The following SATB2 variants were observed in gnomAD, a reference collection of about 807,000 sequenced individuals.
SATB2 encodes SATB homeobox 2.
In SATB2, 1 loss-of-function variant was observed where a neutral mutation model predicts 73.4. The ratio of observed to expected loss-of-function variants is 0.01; its 90% CI spans 0.00 to 0.06. The LOEUF is 0.06. Ranked by LOEUF, SATB2 falls within the 10% of genes least tolerant of loss-of-function variation. The probability of loss-of-function intolerance (pLI) is 1.00; values close to 1 mark genes in which losing one functional copy is unlikely to be tolerated. For synonymous variants in SATB2, 397 were observed against 367.0 expected, an observed-to-expected ratio of 1.08 and a Z score of -0.93; for missense variants, 459 against 945.8, an observed-to-expected ratio of 0.49 and a Z score of 6.75.
chr2:199,325,218 G>A (rs1443135045), intron 8 of SATB2: 1 of 151,974 alleles, frequency 6.6e-6, no homozygotes, highest in South Asian at 2.1e-4. Flanking sequence ...TGCTTTTTAT[G>A]GGCCAGGTAC....
intron 1 of SATB2, 24 bp from the exon 2 acceptor site, chr2:199,456,120 A>C (rs1383742678): frequency 4.0e-4 from 77 of 191,660 alleles, no homozygotes; most frequent in East Asian, 1.2e-3. Flanking sequence ...GGGGGGAGGA[A>C]GGGGGAGGGA....
In SATB2 at chr2:199,308,965, G is replaced by C. The variant is rs1331179150; in HGVS notation, c.1543-8C>G. ...CAGTTCACACAGCCAGCCCTGTAGAGAGAGGAGGTCGCTTGCATTAACCTG... is the reference window on the plus strand; with the variant it reads ...CAGTTCACACAGCCAGCCCTGTAGACAGAGGAGGTCGCTTGCATTAACCTG... On this transcript the variant is annotated splice_region_variant and splice_polypyrimidine_tract_variant and intron_variant, in intron 9 of 10. Transcript: ENST00000417098. The surrounding 1 kb of genome is among the most constrained non-coding windows in gnomAD (Gnocchi z 4.6). 3 of 1,613,372 alleles carry C rather than the reference G, an allele frequency of 1.9e-6. No homozygotes were observed. Among genetic ancestry groups the C allele is most frequent in the Non-Finnish European group, 2.5e-6 (3 of 1,179,490 alleles).
chr2:199,443,408 G>C (rs1691875972), intron 2 of SATB2, among the ~76,000 whole-genome samples: 2 of 151,952 alleles, frequency 1.3e-5, no homozygotes, highest in South Asian at 4.1e-4. Context: ...GCACAAGCAT[G>C]TTTTCTTTGG....
At chr2:199,314,431 C>T (rs750175332) in intron 9 of SATB2, among the ~76,000 whole-genome samples, 19 of 151,356 alleles carry the variant, frequency 1.3e-4, no homozygotes, top group African/African-American at 3.2e-4. Flanking sequence ...TGCATGAATA[C>T]GATAGGGAAA....
chr2:199,450,026 A>G (rs1299894747), intron 2 of SATB2, among the ~76,000 whole-genome samples: 1 of 152,138 alleles, frequency 6.6e-6, no homozygotes, highest in Non-Finnish European at 1.5e-5. Flanking sequence ...CCAAAAAATA[A>G]TGAGTTAAAA....
chr2:199,382,781 A>C (rs1689818177), intron 3 of SATB2, among the ~76,000 whole-genome samples: 1 of 152,248 alleles, frequency 6.6e-6, no homozygotes, highest in South Asian at 2.1e-4. Flanking sequence ...CCATGTCTCC[A>C]GGATGTCAGA....
At chr2:199,410,475 C>T (rs11679306) in intron 3 of SATB2, among the ~76,000 whole-genome samples, 95,529 of 152,056 alleles carry the variant, frequency 0.63, 32,622 homozygotes, top group Non-Finnish European at 0.76. Flanking sequence ...AACAGGAGTA[C>T]ATTTGTGCCT....
In SATB2 at chr2:199,270,549, A is replaced by C. The variant is rs1574457089; in HGVS notation, c.*1662T>G. The C allele has an allele frequency of 1.3e-5, 2 of 152,256 alleles. No individual in the cohort carries two copies. Among genetic ancestry groups the C allele is most frequent in the South Asian group, 4.1e-4 (2 of 4,828 alleles). The allele number at this position is 152,256 out of a possible 1,614,324, so 9.4% of individuals were successfully genotyped here. A position where few individuals can be genotyped will look rare whatever the true frequency, so the allele number is the denominator to read the frequency against. On this transcript the variant is annotated 3_prime_UTR_variant, in exon 11 of 11. Transcript: ENST00000417098. ...AAATCCAACCATGTGGGACTGTTTA[A>C]TGGCCAGTTTAAAGCATGGATTACG...
At chr2:199,368,945 G>T in intron 5 of SATB2, 1 of 408,094 alleles carries the variant, frequency 2.5e-6, no homozygotes. Flanking sequence ...AACAATGGAG[G>T]GGACAGAACA....
In SATB2 at chr2:199,401,427, C is replaced by T. The variant is rs554063047; in HGVS notation, c.347-19607G>A. On this transcript the variant is annotated intron_variant, in intron 3 of 10. Transcript: ENST00000417098. ...GATTAGCCAGGCGTGGTGGTGCGTGCCTGTACTCCCAGCTACTAGGGAGCC... is the reference window on the plus strand; with the variant it reads ...GATTAGCCAGGCGTGGTGGTGCGTGTCTGTACTCCCAGCTACTAGGGAGCC... Among the ~76,000 whole-genome samples the T allele has an allele frequency of 1.4e-4, 21 of 151,528 alleles. No homozygotes were observed. The East Asian group carries it at 3.1e-3, about 22-fold the overall frequency.
At chr2:199,416,916 G>A (rs1327892896) in intron 3 of SATB2, among the ~76,000 whole-genome samples, 3 of 151,870 alleles carry the variant, frequency 2.0e-5, no homozygotes, top group African/African-American at 7.3e-5. Context: ...GGTGCCTGTG[G>A]TCCCAGCTAC....
In SATB2 at chr2:199,323,906, T is replaced by C. The variant is rs201864116; in HGVS notation, c.1439A>G (p.Asn480Ser). The change falls in exon 9 of 11, where the codon AAC (asparagine) becomes AGC (serine). Residue 480 changes from asparagine (N) to serine (S), a missense_variant. Physicochemically the swap from Asn to Ser is conservative, Grantham distance 46 (BLOSUM62 1). Transcript: ENST00000417098. The stretch of plus-strand genomic sequence containing the variant: ...ATAAATGGCAGCTGTGATGTTGATG[T>C]TGGCGCCGTCCACCTTAATAGGGAG... Reference protein sequence around the residue: ...TDLPIKVDGANINITAAIYDE... With the variant: ...TDLPIKVDGASINITAAIYDE... 85 of 1,613,392 alleles carry C rather than the reference T, an allele frequency of 5.3e-5. No homozygotes were observed. Among genetic ancestry groups the C allele is most frequent in the Non-Finnish European group, 7.0e-5 (82 of 1,179,610 alleles).
intron 6 of SATB2, among the ~76,000 whole-genome samples, chr2:199,363,951 A>G (rs879673800): frequency 2.0e-5 from 3 of 152,190 alleles, no homozygotes; most frequent in Non-Finnish European, 4.4e-5. Flanking sequence ...TCATGACAGA[A>G]AAATTAGGTA....
intron 3 of SATB2, among the ~76,000 whole-genome samples, chr2:199,420,151 G>C (rs549491873): frequency 6.6e-6 from 1 of 152,100 alleles, no homozygotes; most frequent in African/African-American, 2.4e-5. Context: ...GTGTACCCTG[G>C]GGTATGTCAC....
At chr2:199,327,300 G>T (rs1296637018) in intron 8 of SATB2, among the ~76,000 whole-genome samples, 1 of 152,064 alleles carries the variant, frequency 6.6e-6, no homozygotes, top group Non-Finnish European at 1.5e-5. Flanking sequence ...AATTACCCTG[G>T]TGTGGTGGCA....
chr2:199,414,238 C>G (rs561577519), intron 3 of SATB2, among the ~76,000 whole-genome samples: 3 of 152,336 alleles, frequency 2.0e-5, no homozygotes, highest in African/African-American at 7.2e-5. Context: ...CCCTCTCACA[C>G]ATCACCTCCC....
In SATB2 at chr2:199,386,716, GCACACACACACA is replaced by G. The variant is rs61568459; in HGVS notation, c.347-4908_347-4897del. ...CGCAAGCGCGCGCGCGCGCGCGCGC[GCACACACACACA>G]CACACACACACACACACACACACAC... On this transcript the variant is annotated intron_variant, in intron 3 of 10. Transcript: ENST00000417098. 6.4e-3 allele frequency among the ~76,000 whole-genome samples: 59 copies of G among 9,210 alleles called. 1 individual carries two copies. Among genetic ancestry groups the G allele is most frequent in the Non-Finnish European group, 8.2e-3 (11 of 1,338 alleles). The allele number at this position is 9,210 out of a possible 152,430, so 6.0% of individuals were successfully genotyped here. A position where few individuals can be genotyped will look rare whatever the true frequency, so the allele number is the denominator to read the frequency against.
chr2:199,295,841 C>T (rs1392108103), intron 10 of SATB2, among the ~76,000 whole-genome samples: 1 of 152,172 alleles, frequency 6.6e-6, no homozygotes, highest in Non-Finnish European at 1.5e-5. Flanking sequence ...GACCTTAGAA[C>T]TGTCAAACCT....
intron 3 of SATB2, among the ~76,000 whole-genome samples, chr2:199,402,557 C>T (rs866324192): frequency 1.3e-5 from 2 of 152,096 alleles, no homozygotes; most frequent in Non-Finnish European, 2.9e-5. Context: ...AGCAAGACTC[C>T]GTTTCAAAAC....
Sources: allele counts gnomAD v4.1 joint callset (sites outside exome capture counted in the v4.1 genomes callset), GRCh38; gene constraint gnomAD v4.1.1; non-coding constraint Gnocchi (gnomAD v3.1); transcripts MANE v1.5; gene names NCBI Gene and HGNC (gene_info 2026-07-23, HGNC 2026-07-21).